SAR1B: variants seen among roughly 807,000 people sequenced by gnomAD.
SAR1B encodes the protein small COPII coat GTPase SAR1B.
In SAR1B, 23 loss-of-function variants were observed where a neutral mutation model predicts 26.8. The ratio of observed to expected loss-of-function variants is 0.86; its 90% confidence interval spans 0.62 to 1.22. The LOEUF (loss-of-function observed/expected upper bound fraction) is 1.22, where lower values mean the gene tolerates loss of function less well. SAR1B is among the 50% of genes most tolerant of loss of function. The probability of loss-of-function intolerance (pLI) is 0.00; values close to 1 mark genes in which losing one functional copy is unlikely to be tolerated. For synonymous variants in SAR1B, 65 were observed against 80.8 expected (o/e 0.80, Z 1.05); for missense variants, 196 against 232.8 (o/e 0.84, Z 1.03).
chr5:134,623,009 G>A (rs1765437069), intron 2 of SAR1B, among the ~76,000 whole-genome samples: 1 of 151,254 alleles, frequency 6.6e-6, no homozygotes, highest in South Asian at 2.1e-4. Flanking sequence ...TGTAATCCCA[G>A]ATACTCGGGA....
intron 1 of SAR1B, among the ~76,000 whole-genome samples, chr5:134,626,538 G>A (rs1227190545): frequency 6.6e-6 from 1 of 152,050 alleles, no homozygotes; most frequent in East Asian, 1.9e-4. Context: ...CAAGAACAAG[G>A]AAACATACAC....
intron 1 of SAR1B, among the ~76,000 whole-genome samples, chr5:134,626,245 GC>G (rs1261306376): frequency 1.5e-5 from 2 of 133,216 alleles, no homozygotes; most frequent in Admixed American, 8.9e-5. Flanking sequence ...GTTGCACTGA[GC>G]CGAGATCGAG....
chr5:134,630,407 G>A (rs958222045), intron 1 of SAR1B, among the ~76,000 whole-genome samples: 2 of 138,696 alleles, frequency 1.4e-5, no homozygotes, highest in Non-Finnish European at 3.0e-5. Flanking sequence ...GTGAGCTGGA[G>A]ATCACGCCAT....
chr5:134,620,805 G>T, intron 3 of SAR1B, 128 bp downstream of exon 3: 2 of 1,083,784 alleles, frequency 1.8e-6, no homozygotes, highest in Non-Finnish European at 2.8e-6. Flanking sequence ...AGTGAACTGT[G>T]ATCATACCAC....
At chr5:134,609,704 A>G in intron 4 of SAR1B, 30 bp from the exon 5 acceptor site, 4 of 1,581,242 alleles carry the variant, frequency 2.5e-6, no homozygotes, top group Non-Finnish European at 2.6e-6. Context: ...GTTAGAGTTT[A>G]CTTGTTGGTC....
intron 6 of SAR1B, among the ~76,000 whole-genome samples, chr5:134,608,124 G>C (rs1765158629): frequency 6.6e-6 from 1 of 152,082 alleles, no homozygotes. Flanking sequence ...AACTTTGAAA[G>C]CTTTAATTTA....
rs55682339 is a variant in SAR1B, at chr5:134,610,566, C to CA, written c.245-893dup. ...TGGGTGACAGAGAGAGACTCCGTCT[C>CA]AAAAAAAAAAAAAAAAAAAAAAAAA... On this transcript the variant is annotated intron_variant, in intron 4 of 6. Coordinates refer to ENST00000402673, the MANE Select transcript of SAR1B (RefSeq NM_016103.4). Among the ~76,000 whole-genome samples, 116 of 39,038 alleles carry CA rather than the reference C, an allele frequency of 3.0e-3. 7 individuals carry two copies. The highest frequency in any genetic ancestry group is 0.011 in the African/African-American group (96 of 8,592). 25.6% of individuals were successfully genotyped at this position (39,038 alleles called of 152,430 possible).
At chr5:134,615,715 G>T (rs1438361298) in intron 3 of SAR1B, among the ~76,000 whole-genome samples, 1 of 151,694 alleles carries the variant, frequency 6.6e-6, no homozygotes, top group Non-Finnish European at 1.5e-5. Context: ...TACTCAGGAG[G>T]CTGAGGCAGG....
chr5:134,607,933 A>T (rs1157459972), intron 6 of SAR1B, among the ~76,000 whole-genome samples: 1 of 152,172 alleles, frequency 6.6e-6, no homozygotes, highest in Non-Finnish European at 1.5e-5. Context: ...TCCTAGGAAA[A>T]GTGAATACCA....
chr5:134,612,679 A>AAAAAAAAAAAAAAAAAAAAAAAC lies in SAR1B; in HGVS notation c.244+11_244+12insGTTTTTTTTTTTTTTTTTTTTTT. The stretch of plus-strand genomic sequence containing the variant: ...AAAAAAAAAAAAAAAAAAAAAAAAA[A>AAAAAAAAAAAAAAAAAAAAAAAC]AAGAATCTTACCTTGAACATGTCCA... On this transcript the variant is annotated intron_variant, in intron 4 of 6. Transcript: ENST00000402673. 1.0e-6 allele frequency: 1 copy of AAAAAAAAAAAAAAAAAAAAAAAC among 991,780 alleles called. No homozygotes were observed. Among genetic ancestry groups the AAAAAAAAAAAAAAAAAAAAAAAC allele is most frequent in the Non-Finnish European group, 1.4e-6 (1 of 712,514 alleles). The allele number at this position is 991,780 out of a possible 1,614,324, so 61.4% of individuals were successfully genotyped here.
chr5:134,628,095 T>C (rs113198227), intron 1 of SAR1B, among the ~76,000 whole-genome samples: 270 of 149,912 alleles, frequency 1.8e-3, no homozygotes, highest in African/African-American at 6.4e-3. Context: ...GCCGAGATCG[T>C]GCCACTGCAC....
intron 1 of SAR1B, among the ~76,000 whole-genome samples, chr5:134,630,521 G>T (rs1021047129): frequency 6.7e-6 from 1 of 148,510 alleles, no homozygotes; most frequent in African/African-American, 2.5e-5. Flanking sequence ...AGTGGCTCAC[G>T]CCTGTAATCC....
chr5:134,601,159 C>A lies in SAR1B; in HGVS notation c.*5791G>T, dbSNP rs2150047035. ...AACTTGACACTAGAGTTCTTCAAGA[C>A]CAGATTAGTATTTTATTTTTCCCTT... On this transcript the variant is annotated 3_prime_UTR_variant, in exon 7 of 7. Transcript: ENST00000402673. The A allele has an allele frequency of 6.6e-6, 1 of 152,188 alleles. No homozygotes were observed. The highest frequency in any genetic ancestry group is 2.1e-4 in the South Asian group (1 of 4,820). 9.4% of individuals were successfully genotyped at this position (152,188 alleles called of 1,614,324 possible). A position where few individuals can be genotyped will look rare whatever the true frequency, so the allele number is the denominator to read the frequency against.
chr5:134,616,131 G>GA (rs1218921148), intron 3 of SAR1B, among the ~76,000 whole-genome samples: 1,481 of 69,254 alleles, frequency 0.021, 22 homozygotes, highest in African/African-American at 0.042. Flanking sequence ...CTCCATCTCG[G>GA]AAAAAAAAAA....
chr5:134,613,005 C>T, intron 3 of SAR1B: 2 of 490,328 alleles, frequency 4.1e-6, no homozygotes, highest in Middle Eastern at 5.5e-4. Flanking sequence ...TTTGCCCTGG[C>T]ATACTTACAC....
At chr5:134,608,251 T>A (rs1052795105) in intron 6 of SAR1B, 121 bp downstream of exon 6, 1 of 1,034,842 alleles carries the variant, frequency 9.7e-7, no homozygotes, top group Non-Finnish European at 1.4e-6. Flanking sequence ...CCCACAGGTA[T>A]AAATGACAGT....
intron 4 of SAR1B, 112 bp from the exon 5 acceptor site, chr5:134,609,786 T>C: frequency 2.6e-6 from 2 of 780,160 alleles, no homozygotes; most frequent in South Asian, 2.9e-5. Context: ...CTGCTGGTAC[T>C]TCACAATATA....
At chr5:134,629,388 G>A (rs764428326) in intron 1 of SAR1B, among the ~76,000 whole-genome samples, 4 of 149,950 alleles carry the variant, frequency 2.7e-5, no homozygotes, top group South Asian at 2.1e-4. Flanking sequence ...GGAAGACCCC[G>A]TCTCTACAAA....
intron 5 of SAR1B, chr5:134,609,207 C>A: frequency 4.7e-6 from 2 of 425,622 alleles, no homozygotes; most frequent in South Asian, 1.8e-5. Flanking sequence ...ATGGCATGTC[C>A]TATCATTTCC....
Sources: gnomAD v4.1 joint callset for allele counts (sites outside exome capture counted in the v4.1 genomes callset) on GRCh38, gnomAD v4.1.1 for gene constraint, MANE v1.5 for transcripts, NCBI Gene and HGNC (gene_info 2026-07-23, HGNC 2026-07-21) for gene names.